Variants in FAM168A observed in about 807,000 individuals in gnomAD.
FAM168A encodes the protein protein FAM168A.
A neutral mutation model predicts 28.5 loss-of-function variants in FAM168A; 3 were observed. The observed-to-expected ratio is 0.11, with a 90% CI of 0.05 to 0.27. The LOEUF (loss-of-function observed/expected upper bound fraction) is 0.27, where lower values mean the gene tolerates loss of function less well. FAM168A is among the 10% of genes least tolerant of loss of function. The probability of loss-of-function intolerance (pLI) is 1.00; values close to 1 mark genes in which losing one functional copy is unlikely to be tolerated. For synonymous variants in FAM168A, 122 were observed against 124.2 expected (o/e 0.98, Z 0.12); for missense variants, 222 against 311.5 (o/e 0.71, Z 2.16).
intron 1 of FAM168A, among the ~76,000 whole-genome samples, chr11:73,532,166 T>C (rs1464907248): frequency 6.6e-6 from 1 of 151,974 alleles, no homozygotes; most frequent in Non-Finnish European, 1.5e-5. Context: ...GCACCCTTGA[T>C]CTGGGCAAAA....
At chr11:73,430,796 T>G in intron 2 of FAM168A, 26 bp from the exon 3 acceptor site, 2 of 1,529,030 alleles carry the variant, frequency 1.3e-6, no homozygotes, top group Non-Finnish European at 1.8e-6. Context: ...AAAAGGCTTA[T>G]TTAGTTAGGC....
intron 1 of FAM168A, among the ~76,000 whole-genome samples, chr11:73,482,181 CTTTTTT>C (rs55882143): frequency 5.2e-5 from 4 of 77,554 alleles, no homozygotes; most frequent in Admixed American, 2.1e-4. Context: ...ATCCAACAGC[CTTTTTT>C]TTTTTTTTTT....
chr11:73,561,931 T>C (rs1416290573), intron 1 of FAM168A, among the ~76,000 whole-genome samples: 2 of 152,082 alleles, frequency 1.3e-5, no homozygotes, highest in South Asian at 2.1e-4. Context: ...GTTTAAAACA[T>C]TACAGGAGGA....
At chr11:73,464,865 A>ATT (rs59307110) in intron 2 of FAM168A, among the ~76,000 whole-genome samples, 7 of 147,166 alleles carry the variant, frequency 4.8e-5, no homozygotes, top group South Asian at 2.2e-4. Flanking sequence ...CTGTTTTATC[A>ATT]TTTTTTTTTT....
intron 1 of FAM168A, among the ~76,000 whole-genome samples, chr11:73,482,181 C>T (rs941521670): frequency 5.2e-5 from 4 of 77,560 alleles, no homozygotes; most frequent in Non-Finnish European, 7.1e-5. Flanking sequence ...ATCCAACAGC[C>T]TTTTTTTTTT....
intron 1 of FAM168A, among the ~76,000 whole-genome samples, chr11:73,522,524 G>A (rs891236421): frequency 4.0e-5 from 6 of 151,810 alleles, no homozygotes; most frequent in Admixed American, 6.6e-5. Flanking sequence ...TTTTAGTAGA[G>A]ATGGGGTTTT....
At chr11:73,443,693 G>T (rs532179442) in intron 2 of FAM168A, among the ~76,000 whole-genome samples, 1 of 152,284 alleles carries the variant, frequency 6.6e-6, no homozygotes, top group South Asian at 2.1e-4. Flanking sequence ...GGCAGACCTA[G>T]GTTTAAATTC....
chr11:73,573,135 A>G (rs746598245), intron 1 of FAM168A, among the ~76,000 whole-genome samples: 1 of 152,234 alleles, frequency 6.6e-6, no homozygotes, highest in Non-Finnish European at 1.5e-5. Flanking sequence ...ATTCATGCAC[A>G]ATAATCGCAA....
At chr11:73,567,723 T>C (rs900935773) in intron 1 of FAM168A, among the ~76,000 whole-genome samples, 2 of 151,826 alleles carry the variant, frequency 1.3e-5, no homozygotes, top group Non-Finnish European at 2.9e-5. Flanking sequence ...ATAGCTCACT[T>C]TTTTTTTAAG....
At chr11:73,596,786 C>A (rs1944443480) in intron 1 of FAM168A, among the ~76,000 whole-genome samples, 1 of 152,126 alleles carries the variant, frequency 6.6e-6, no homozygotes, top group Non-Finnish European at 1.5e-5. Flanking sequence ...TCTGCCCCAT[C>A]CATACCAACA....
intron 2 of FAM168A, among the ~76,000 whole-genome samples, chr11:73,452,588 C>G (rs575930773): frequency 6.6e-6 from 1 of 152,106 alleles, no homozygotes; most frequent in Non-Finnish European, 1.5e-5. Flanking sequence ...AGAAGGAGGC[C>G]TGTTCTCCAT....
intron 1 of FAM168A, among the ~76,000 whole-genome samples, chr11:73,595,420 C>A (rs1428119516): frequency 6.6e-6 from 1 of 152,090 alleles, no homozygotes. Flanking sequence ...GGTTTGTTTG[C>A]GAGCTAAATT....
At chr11:73,427,013 T>C (rs1003088913) in intron 3 of FAM168A, among the ~76,000 whole-genome samples, 5 of 151,826 alleles carry the variant, frequency 3.3e-5, no homozygotes, top group Non-Finnish European at 5.9e-5. Flanking sequence ...TTTTTTGAGA[T>C]GGAGTCTCAC....
intron 1 of FAM168A, among the ~76,000 whole-genome samples, chr11:73,579,602 T>C (rs1367926616): frequency 6.6e-6 from 1 of 152,202 alleles, no homozygotes; most frequent in Non-Finnish European, 1.5e-5. Flanking sequence ...TTAGAGCAAG[T>C]TTCTCTAAAG....
Position 73,577,878 on chromosome 11 carries a change from T to C in FAM168A, c.-19+20045A>G, listed in dbSNP as rs573678859. Among the ~76,000 whole-genome samples the C allele has an allele frequency of 2.2e-4, 33 of 152,292 alleles. No individual in the cohort carries two copies. In the South Asian group the frequency reaches 6.8e-3, roughly 32 times the overall value. ...AACACTGGGCATGAGGGAGGGAAGG[T>C]AGGAGCAACAGAACGTCCCTTAGGG... On this transcript the variant is annotated intron_variant, in intron 1 of 7. Transcript: ENST00000356467.
chr11:73,441,346 C>T (rs1205359925), intron 2 of FAM168A, among the ~76,000 whole-genome samples: 1 of 152,198 alleles, frequency 6.6e-6, no homozygotes, highest in Non-Finnish European at 1.5e-5. Context: ...CGTGAGCCAC[C>T]ACACCCAGTC....
intron 1 of FAM168A, among the ~76,000 whole-genome samples, chr11:73,480,582 G>A (rs747006023): frequency 3.3e-5 from 5 of 152,078 alleles, no homozygotes; most frequent in Non-Finnish European, 5.9e-5. Flanking sequence ...AGAACAAAGT[G>A]CTTGAAACAG....
chr11:73,528,367 T>C (rs1943471325), intron 1 of FAM168A, among the ~76,000 whole-genome samples: 1 of 152,208 alleles, frequency 6.6e-6, no homozygotes, highest in Non-Finnish European at 1.5e-5. Context: ...AGTGTACAGA[T>C]ATCCCAATAT....
intron 1 of FAM168A, among the ~76,000 whole-genome samples, chr11:73,552,047 C>T (rs1177129704): frequency 6.6e-6 from 1 of 152,210 alleles, no homozygotes; most frequent in African/African-American, 2.4e-5. Flanking sequence ...ACCTCCTCTC[C>T]TCTTCAAAAG....
Sources: gnomAD v4.1 joint callset for allele counts (sites outside exome capture counted in the v4.1 genomes callset) on GRCh38, gnomAD v4.1.1 for gene constraint, MANE v1.5 for transcripts, NCBI Gene and HGNC (gene_info 2026-07-23, HGNC 2026-07-21) for gene names.